The following FRAS1 variants were observed in gnomAD, a reference collection of about 807,000 sequenced individuals.
The protein encoded by FRAS1 is extracellular matrix organizing protein FRAS1.
Under a neutral mutation model 435.2 loss-of-function variants are expected in FRAS1, and 290 were observed. That is an observed-to-expected ratio of 0.67 (90% CI 0.61 to 0.73). The LOEUF (loss-of-function observed/expected upper bound fraction) is 0.73. FRAS1 is among the 30% of genes least tolerant of loss of function. The pLI, the probability that FRAS1 is intolerant of heterozygous loss-of-function variation, is 0.00. For missense variants in FRAS1, 4,860 were observed against 5,001.5 expected, an observed-to-expected ratio of 0.97 and a Z score of 0.85; for synonymous variants, 1,800 against 1,851.0, an observed-to-expected ratio of 0.97 and a Z score of 0.71.
chr4:78,172,455 G>A (rs868707534), intron 2 of FRAS1, among the ~76,000 whole-genome samples: 9 of 152,182 alleles, frequency 5.9e-5, no homozygotes, highest in African/African-American at 2.2e-4. Context: ...TGTAATTTCT[G>A]GCTAAGTGAC....
At chr4:78,176,823 A>C (rs1432152735) in intron 2 of FRAS1, among the ~76,000 whole-genome samples, 1 of 152,232 alleles carries the variant, frequency 6.6e-6, no homozygotes, top group Non-Finnish European at 1.5e-5. Flanking sequence ...GAAACAAGGA[A>C]GGGGCCTTGT....
chr4:78,271,551 G>A (rs7696792), intron 9 of FRAS1, among the ~76,000 whole-genome samples: 87,937 of 151,956 alleles, frequency 0.58, 25,827 homozygotes, highest in Middle Eastern at 0.69. Flanking sequence ...ACCTATGAGT[G>A]AGAACATGCA....
chr4:78,113,096 C>T (rs530883263), intron 2 of FRAS1, among the ~76,000 whole-genome samples: 10 of 152,228 alleles, frequency 6.6e-5, no homozygotes, highest in Admixed American at 1.3e-4. Flanking sequence ...TTCATCCTTG[C>T]GATAGTTTGC....
chr4:78,255,742 T>A (rs182440761), intron 6 of FRAS1, among the ~76,000 whole-genome samples: 48 of 152,366 alleles, frequency 3.2e-4, no homozygotes, highest in African/African-American at 1.1e-3. Flanking sequence ...TCTGCTTTTT[T>A]AAGACATAAT....
chr4:78,406,825 G>A (rs1055186458), intron 30 of FRAS1, among the ~76,000 whole-genome samples: 14 of 152,178 alleles, frequency 9.2e-5, no homozygotes, highest in Admixed American at 9.2e-4. Flanking sequence ...CCTGCCGTAT[G>A]TCTTCCACTG....
intron 2 of FRAS1, among the ~76,000 whole-genome samples, chr4:78,192,122 G>C (rs1188313202): frequency 6.6e-6 from 1 of 152,180 alleles, no homozygotes; most frequent in Non-Finnish European, 1.5e-5. Context: ...TGCATCCCAG[G>C]AATGAAGCCC....
rs566507916 is a variant in FRAS1, at chr4:78,284,465, A to G, written c.1316A>G (p.Gln439Arg). The change falls in exon 13 of 74, where the codon CAA becomes CGA. Residue 439 changes from glutamine to arginine, a missense_variant. Physicochemically the swap from Gln to Arg is conservative, Grantham distance 43. Transcript: ENST00000512123. ...SQSPDHCDLCQDPTKLLQNGW... is the reference protein window; with the variant it reads ...SQSPDHCDLCRDPTKLLQNGW... ...TCTCCAGACCACTGTGACCTCTGCC[A>G]AGATCCTACCAAGTTACTGCAGAAT... 1.1e-5 allele frequency: 17 copies of G among 1,613,872 alleles called. No homozygotes were observed. In the Middle Eastern group the frequency reaches 4.9e-4, roughly 47 times the overall value.
chr4:78,141,738 C>T (rs1263606190), intron 2 of FRAS1, among the ~76,000 whole-genome samples: 1 of 152,062 alleles, frequency 6.6e-6, no homozygotes, highest in Non-Finnish European at 1.5e-5. Context: ...AACCCAAATG[C>T]CCATCAATCA....
intron 32 of FRAS1, among the ~76,000 whole-genome samples, chr4:78,415,640 G>A (rs1276242780): frequency 1.3e-5 from 2 of 152,270 alleles, no homozygotes; most frequent in Non-Finnish European, 2.9e-5. Flanking sequence ...AGCATTACAG[G>A]TTGTTCAGTT....
chr4:78,304,588 T>C (rs1372488612), intron 14 of FRAS1, among the ~76,000 whole-genome samples: 3 of 151,998 alleles, frequency 2.0e-5, no homozygotes, highest in Non-Finnish European at 4.4e-5. Context: ...CCTGGTTTAG[T>C]CTTGGGAGAG....
chr4:78,190,153 G>C (rs1722466264), intron 2 of FRAS1, among the ~76,000 whole-genome samples: 1 of 152,172 alleles, frequency 6.6e-6, no homozygotes, highest in South Asian at 2.1e-4. Flanking sequence ...ACCTTGGTCT[G>C]CATCTTCCTG....
At chr4:78,271,148 A>G (rs1277537435) in intron 9 of FRAS1, among the ~76,000 whole-genome samples, 2 of 152,212 alleles carry the variant, frequency 1.3e-5, no homozygotes, top group Non-Finnish European at 2.9e-5. Context: ...TTTAAACAAA[A>G]TATCATTATG....
chr4:78,213,719 C>T (rs1000261365), intron 2 of FRAS1, among the ~76,000 whole-genome samples: 2 of 152,060 alleles, frequency 1.3e-5, no homozygotes, highest in African/African-American at 4.8e-5. Flanking sequence ...AGTTGATAGA[C>T]AGTTGCCCAA....
chr4:78,337,126 TTTAATTAAGTA>T (rs2110264960), intron 19 of FRAS1, among the ~76,000 whole-genome samples: 1 of 152,300 alleles, frequency 6.6e-6, no homozygotes, highest in Non-Finnish European at 1.5e-5. Flanking sequence ...TTCTTTGTAT[TTTAATTAAGTA>T]TTGCTGATAA....
chr4:78,528,860 T>C (rs527332295), intron 70 of FRAS1, among the ~76,000 whole-genome samples: 1 of 152,150 alleles, frequency 6.6e-6, no homozygotes, highest in Non-Finnish European at 1.5e-5. Flanking sequence ...TTTGTAAATA[T>C]GTAACTATGT....
intron 2 of FRAS1, among the ~76,000 whole-genome samples, chr4:78,160,374 A>G (rs1000241590): frequency 9.2e-5 from 14 of 152,232 alleles, no homozygotes; most frequent in African/African-American, 3.4e-4. Context: ...TCTATTGCCA[A>G]CATATCAAAT....
At chr4:78,204,215 G>A (rs1263089398) in intron 2 of FRAS1, among the ~76,000 whole-genome samples, 1 of 152,188 alleles carries the variant, frequency 6.6e-6, no homozygotes, top group Non-Finnish European at 1.5e-5. Flanking sequence ...GGAATCCCAA[G>A]CCTATATTTC....
chr4:78,509,392 T>A (rs1720959976), intron 63 of FRAS1, among the ~76,000 whole-genome samples: 2 of 152,240 alleles, frequency 1.3e-5, no homozygotes, highest in South Asian at 4.1e-4. Flanking sequence ...GCGCTGTTGA[T>A]TACTATTAAT....
At chr4:78,192,425 TA>T (rs1027491511) in intron 2 of FRAS1, among the ~76,000 whole-genome samples, 2 of 152,234 alleles carry the variant, frequency 1.3e-5, no homozygotes, top group Non-Finnish European at 2.9e-5. Flanking sequence ...GATAGTAAGC[TA>T]TTAATTATTG....
Sources: gnomAD v4.1 joint callset for allele counts (sites outside exome capture counted in the v4.1 genomes callset) on GRCh38, gnomAD v4.1.1 for gene constraint, MANE v1.5 for transcripts, NCBI Gene and HGNC (gene_info 2026-07-23, HGNC 2026-07-21) for gene names.